Variants in CDK19 observed in about 807,000 individuals in gnomAD.
CDK19 encodes cyclin-dependent kinase 19.
In CDK19, 20 loss-of-function variants were observed where a neutral mutation model predicts 68.3. That is an observed-to-expected ratio of 0.29 (90% CI 0.21 to 0.43). The LOEUF is 0.43. Ranked by LOEUF, CDK19 falls within the 20% of genes least tolerant of loss-of-function variation. The pLI, the probability that CDK19 is intolerant of heterozygous loss-of-function variation, is 1.00. For missense variants in CDK19, 339 were observed against 623.5 expected (o/e 0.54, Z 4.86); for synonymous variants, 221 against 222.8 (o/e 0.99, Z 0.07).
At chr6:110,808,671 A>G (rs1562305140) in intron 1 of CDK19, among the ~76,000 whole-genome samples, 1 of 152,162 alleles carries the variant, frequency 6.6e-6, no homozygotes, top group Non-Finnish European at 1.5e-5. Flanking sequence ...TTAAACATAA[A>G]CAGATGTCTA....
intron 2 of CDK19, among the ~76,000 whole-genome samples, chr6:110,681,215 G>A (rs558570828): frequency 8.3e-4 from 126 of 150,918 alleles, no homozygotes; most frequent in African/African-American, 3.0e-3. Flanking sequence ...GCGTGGTACC[G>A]CATGCCTGTA....
At position 110,815,075 on chromosome 6, in the gene CDK19, TCAAA is replaced by T; in HGVS notation, c.58_61del (p.Phe20SerfsTer31). The T allele has an allele frequency of 6.2e-7, 1 of 1,604,570 alleles. No individual in the cohort carries two copies. Among genetic ancestry groups the T allele is most frequent in the Non-Finnish European group, 8.5e-7 (1 of 1,176,384 alleles). ...GCGTCCCACTTTGCACCCTTCGTAC[TCAAA>T]CAAATCCTCCACCCGCTCCCGCTCC... is the stretch of plus-strand genomic sequence containing the variant. On this transcript the variant is annotated frameshift_variant, in exon 1 of 13. Coordinates refer to ENST00000368911, the MANE Select transcript of CDK19 (RefSeq NM_015076.5). LOFTEE classifies it high-confidence loss of function.
At chr6:110,660,373 T>A (rs1251958666) in intron 4 of CDK19, among the ~76,000 whole-genome samples, 3 of 152,168 alleles carry the variant, frequency 2.0e-5, no homozygotes, top group African/African-American at 7.2e-5. Context: ...GGTGTGCCCA[T>A]GACCCCTTAA....
intron 4 of CDK19, chr6:110,646,514 A>G: frequency 7.4e-7 from 1 of 1,348,488 alleles, no homozygotes; most frequent in Non-Finnish European, 9.8e-7. Context: ...GCCCTGGGAA[A>G]CCGACGTGCG....
At chr6:110,815,731 G>A (rs1783598979), upstream of CDK19, 1 of 152,572 alleles carries the variant, frequency 6.6e-6, no homozygotes, top group South Asian at 2.0e-4. Flanking sequence ...GGAAAGAAGT[G>A]CCTTACTCTA....
At position 110,815,241 on chromosome 6, in the gene CDK19, TCG is replaced by T. The variant is rs769553849; in HGVS notation, c.-107_-106del. On this transcript the variant is annotated 5_prime_UTR_variant, in exon 1 of 13. Transcript: ENST00000368911. Reference sequence around the variant, plus strand: ...GCTCCACTTCTCCAACAGCCGCCTCTCGCGCGCGCGCGCGCGCCGCCCGCCGC... The same window carrying T: ...GCTCCACTTCTCCAACAGCCGCCTCTCGCGCGCGCGCGCGCCGCCCGCCGC... 4.8e-3 allele frequency: 5,317 copies of T among 1,110,484 alleles called. No individual in the cohort carries two copies. The highest frequency in any genetic ancestry group is 1.0e-2 in the South Asian group (398 of 39,984). The allele number at this position is 1,110,484 out of a possible 1,614,324, so 68.8% of individuals were successfully genotyped here. A position where few individuals can be genotyped will look rare whatever the true frequency, so the allele number is the denominator to read the frequency against.
chr6:110,792,984 T>A (rs1184771734), intron 1 of CDK19, among the ~76,000 whole-genome samples: 4 of 152,168 alleles, frequency 2.6e-5, no homozygotes, highest in African/African-American at 9.7e-5. Context: ...ATGGGGAAAC[T>A]GAGATACAGA....
intron 12 of CDK19, among the ~76,000 whole-genome samples, chr6:110,620,309 G>A (rs1196744047): frequency 6.6e-6 from 1 of 151,948 alleles, no homozygotes. Context: ...CAGAGGTTTT[G>A]TTTTCTATTA....
chr6:110,714,722 C>CTTTTTTT (rs112875656), intron 2 of CDK19, among the ~76,000 whole-genome samples: 15 of 69,824 alleles, frequency 2.1e-4, no homozygotes, highest in East Asian at 8.4e-4. Flanking sequence ...AATGTCTTTT[C>CTTTTTTT]TTTTTTTTTT....
chr6:110,648,993 T>G (rs563818506), intron 4 of CDK19, among the ~76,000 whole-genome samples: 1 of 152,274 alleles, frequency 6.6e-6, no homozygotes, highest in East Asian at 1.9e-4. Flanking sequence ...ATTACAGGCA[T>G]GGGCCACTGT....
intron 2 of CDK19, among the ~76,000 whole-genome samples, chr6:110,707,751 C>T (rs1359883624): frequency 5.9e-5 from 9 of 152,072 alleles, no homozygotes; most frequent in Admixed American, 5.9e-4. Flanking sequence ...CAGGTGAAAT[C>T]ACCTGAGGTC....
chr6:110,625,836 T>C (rs970732790), intron 8 of CDK19, among the ~76,000 whole-genome samples: 3 of 152,216 alleles, frequency 2.0e-5, no homozygotes, highest in African/African-American at 7.2e-5. Flanking sequence ...TGCCATTCTC[T>C]ATTTCTCTTT....
intron 2 of CDK19, among the ~76,000 whole-genome samples, chr6:110,708,068 T>C (rs1774660801): frequency 1.3e-5 from 2 of 152,220 alleles, no homozygotes; most frequent in South Asian, 4.1e-4. Flanking sequence ...TACATCTGCA[T>C]GATTAACTCC....
At chr6:110,766,327 C>T (rs1779582560) in intron 1 of CDK19, among the ~76,000 whole-genome samples, 1 of 152,058 alleles carries the variant, frequency 6.6e-6, no homozygotes, top group African/African-American at 2.4e-5. Context: ...GTAATCCCAG[C>T]ACTTTGGGAG....
In CDK19 at chr6:110,755,071, G is replaced by A. The variant is rs893072082; in HGVS notation, c.129-8870C>T. Among the ~76,000 whole-genome samples the A allele has an allele frequency of 5.3e-5, 7 of 130,868 alleles. No homozygotes were observed. In the South Asian group the frequency reaches 7.0e-4, roughly 13 times the overall value. The allele number at this position is 130,868 out of a possible 152,430, so 85.9% of individuals were successfully genotyped here. A position where few individuals can be genotyped will look rare whatever the true frequency, so the allele number is the denominator to read the frequency against. On this transcript the variant is annotated intron_variant, in intron 1 of 12. Coordinates refer to ENST00000368911, the MANE Select transcript of CDK19 (RefSeq NM_015076.5). ...TTTTTTTTTTTTGAGATGAAGTTTC[G>A]CTCTTGTTGCCCAGGCTGGAGTGCA... is the stretch of plus-strand genomic sequence containing the variant.
intron 1 of CDK19, among the ~76,000 whole-genome samples, chr6:110,774,550 T>C (rs571553484): frequency 6.6e-6 from 1 of 152,266 alleles, no homozygotes; most frequent in African/African-American, 2.4e-5. Context: ...AAACACGAAA[T>C]CTTTATTTCT....
chr6:110,684,433 G>T, intron 2 of CDK19, among the ~76,000 whole-genome samples: 1 of 111,432 alleles, frequency 9.0e-6, no homozygotes, highest in Admixed American at 1.2e-4. Flanking sequence ...AAATAGAATG[G>T]TGGGGTGGGG....
rs757970333 is a variant in CDK19 at position 110,815,152 on chromosome 6, T to G, written c.-16A>C. The G allele has an allele frequency of 6.4e-7, 1 of 1,573,244 alleles. No individual in the cohort carries two copies. Among genetic ancestry groups the G allele is most frequent in the Non-Finnish European group, 8.6e-7 (1 of 1,161,376 alleles). On this transcript the variant is annotated 5_prime_UTR_variant, in exon 1 of 13. It removes an upstream start codon present in the reference 5' UTR. Transcript: ENST00000368911. The stretch of plus-strand genomic sequence containing the variant: ...CATAATCCATTGTCTGCTTCCCCCA[T>G]AGAGGCACGGGACGCGGGGGCCGCC...
intron 12 of CDK19, among the ~76,000 whole-genome samples, chr6:110,618,191 T>C (rs1778467957): frequency 6.6e-6 from 1 of 152,170 alleles, no homozygotes; most frequent in African/African-American, 2.4e-5. Context: ...TGGAGTGCAG[T>C]GGCGCGATCT....
Sources: allele counts gnomAD v4.1 joint callset (sites outside exome capture counted in the v4.1 genomes callset), GRCh38; gene constraint gnomAD v4.1.1; transcripts MANE v1.5; gene names NCBI Gene and HGNC (gene_info 2026-07-23, HGNC 2026-07-21).